The following CSMD1 variants were observed in gnomAD, a reference collection of about 807,000 sequenced individuals.
The protein encoded by CSMD1 is CUB and sushi domain-containing protein 1.
CSMD1 carries 213 observed loss-of-function variants against 417.5 expected under a neutral mutation model. The ratio of observed to expected loss-of-function variants is 0.51; its 90% CI spans 0.46 to 0.57. The LOEUF (loss-of-function observed/expected upper bound fraction) is 0.57, where lower values mean the gene tolerates loss of function less well. CSMD1 is among the 20% of genes least tolerant of loss of function. The pLI, the probability that CSMD1 is intolerant of heterozygous loss-of-function variation, is 0.00. For missense variants in CSMD1, 6,923 were observed against 4,529.7 expected, an observed-to-expected ratio of 1.53 and a Z score of -15.17; for synonymous variants, 2,862 against 1,736.8, an observed-to-expected ratio of 1.65 and a Z score of -16.11.
chr8:4,110,910 G>C (rs1021805837), intron 3 of CSMD1, among the ~76,000 whole-genome samples: 1 of 152,084 alleles, frequency 6.6e-6, no homozygotes, highest in African/African-American at 2.4e-5. Context: ...CATAAAGTGA[G>C]ACAATGACAT....
chr8:4,528,096 T>G (rs1796612564), intron 2 of CSMD1, among the ~76,000 whole-genome samples: 1 of 152,212 alleles, frequency 6.6e-6, no homozygotes, highest in South Asian at 2.1e-4. Flanking sequence ...CAGATGGGTT[T>G]GCATTTTGTG....
At chr8:4,080,298 T>A (rs902688232) in intron 3 of CSMD1, among the ~76,000 whole-genome samples, 19 of 152,158 alleles carry the variant, frequency 1.2e-4, no homozygotes, top group Admixed American at 3.3e-4. Context: ...GGTTACAGTG[T>A]ACCTAAGAGT....
At chr8:3,735,722 G>C (rs908245068) in intron 6 of CSMD1, among the ~76,000 whole-genome samples, 1 of 152,172 alleles carries the variant, frequency 6.6e-6, no homozygotes, top group African/African-American at 2.4e-5. Flanking sequence ...ACAGAAACTC[G>C]TTTGGAGCAA....
chr8:4,439,608 G>C (rs1477956740), intron 2 of CSMD1, among the ~76,000 whole-genome samples: 2 of 152,060 alleles, frequency 1.3e-5, no homozygotes, highest in African/African-American at 4.8e-5. Flanking sequence ...TTACATATTT[G>C]TTTTAAGGTA....
chr8:4,713,043 T>C (rs1186840929), intron 1 of CSMD1, among the ~76,000 whole-genome samples: 1 of 152,206 alleles, frequency 6.6e-6, no homozygotes, highest in African/African-American at 2.4e-5. Context: ...TTAGGGATAC[T>C]GGGAAAGGTC....
rs146986463 is a variant in CSMD1, at chr8:4,119,012, G to A, written c.416-86913C>T. Among the ~76,000 whole-genome samples, 558 of 152,196 alleles carry A rather than the reference G, an allele frequency of 3.7e-3. 3 individuals are homozygous for A. Among genetic ancestry groups the A allele is most frequent in the African/African-American group, 0.013 (531 of 41,506 alleles). On this transcript the variant is annotated intron_variant, in intron 3 of 69. Transcript: ENST00000635120. ...AAGAACGGCAAACCAAACACCACAT[G>A]TTCTCACTCATAAGTGGGAGTTGAA...
chr8:4,945,761 A>T (rs1202671954), intron 1 of CSMD1, among the ~76,000 whole-genome samples: 5 of 152,118 alleles, frequency 3.3e-5, no homozygotes, highest in Non-Finnish European at 7.4e-5. Flanking sequence ...CACCTGGAGA[A>T]GATGATGAAT....
intron 11 of CSMD1, among the ~76,000 whole-genome samples, chr8:3,473,518 G>C (rs922973202): frequency 2.0e-5 from 3 of 152,170 alleles, no homozygotes; most frequent in East Asian, 1.9e-4. Flanking sequence ...ATTTTGGCTT[G>C]CTAACACTGA....
At chr8:3,458,602 G>T (rs192316854) in intron 12 of CSMD1, among the ~76,000 whole-genome samples, 1 of 152,096 alleles carries the variant, frequency 6.6e-6, no homozygotes, top group Non-Finnish European at 1.5e-5. Context: ...CATCTTATTC[G>T]TCTTGCGTTA....
At chr8:4,647,839 C>G (rs1803636252) in intron 1 of CSMD1, among the ~76,000 whole-genome samples, 1 of 152,076 alleles carries the variant, frequency 6.6e-6, no homozygotes, top group African/African-American at 2.4e-5. Flanking sequence ...GGGTTGGTTC[C>G]AAGTCTTTGC....
At chr8:3,091,698 G>T (rs557088965) in intron 47 of CSMD1, 36 bp from the exon 48 acceptor site, 1 of 1,586,480 alleles carries the variant, frequency 6.3e-7, no homozygotes. Flanking sequence ...ATTCAGAGAT[G>T]AGTGAGCACC....
chr8:3,822,275 C>T (rs1801777739), intron 5 of CSMD1, among the ~76,000 whole-genome samples: 1 of 152,134 alleles, frequency 6.6e-6, no homozygotes, highest in South Asian at 2.1e-4. Flanking sequence ...GAGACATTTA[C>T]CCTTGTAAGA....
At position 3,551,578 on chromosome 8, in the gene CSMD1, GTATA is replaced by G. The variant is rs55961739; in HGVS notation, c.1344+23363_1344+23366del. On this transcript the variant is annotated intron_variant, in intron 10 of 69. Coordinates refer to ENST00000635120, the MANE Select transcript of CSMD1 (RefSeq NM_033225.6). ...TTCAGAATTGTCTTCTAATAAATAT[GTATA>G]TATATATATATATATTTTTTTTTTT... Among the ~76,000 whole-genome samples, 361 of 117,656 alleles carry G rather than the reference GTATA, an allele frequency of 3.1e-3. 36 individuals are homozygous for G. The highest frequency in any genetic ancestry group is 0.011 in the East Asian group (48 of 4,294). The allele number at this position is 117,656 out of a possible 152,430, so 77.2% of individuals were successfully genotyped here.
At chr8:3,676,273 T>C (rs1293518267) in intron 7 of CSMD1, among the ~76,000 whole-genome samples, 1 of 152,144 alleles carries the variant, frequency 6.6e-6, no homozygotes, top group African/African-American at 2.4e-5. Context: ...GCCCTAAGTA[T>C]TTACCAACTC....
chr8:3,665,851 T>C (rs1029202270), intron 7 of CSMD1, among the ~76,000 whole-genome samples: 1 of 152,156 alleles, frequency 6.6e-6, no homozygotes, highest in African/African-American at 2.4e-5. Context: ...CCTGCATTTA[T>C]GACCTCAGTG....
intron 8 of CSMD1, among the ~76,000 whole-genome samples, chr8:3,606,711 CA>C (rs1295745775): frequency 5.0e-4 from 47 of 93,950 alleles, no homozygotes; most frequent in African/African-American, 1.7e-3. Context: ...TACTTCGTTA[CA>C]ATTTTTTTTT....
chr8:4,130,290 T>C lies in CSMD1; in HGVS notation c.416-98191A>G, dbSNP rs77730041. The stretch of plus-strand genomic sequence containing the variant: ...ATTCATGCAAACGATTAGTTTAACA[T>C]CTTTATTCTGGTATAATCCCCAAAT... On this transcript the variant is annotated intron_variant, in intron 3 of 69. Coordinates refer to ENST00000635120, the MANE Select transcript of CSMD1 (RefSeq NM_033225.6). Among the ~76,000 whole-genome samples the C allele has an allele frequency of 2.5e-3, 379 of 152,314 alleles. 1 individual carries two copies. Among genetic ancestry groups the C allele is most frequent in the African/African-American group, 8.8e-3 (367 of 41,564 alleles).
intron 2 of CSMD1, among the ~76,000 whole-genome samples, chr8:4,526,359 A>G (rs1321517686): frequency 6.6e-6 from 1 of 152,258 alleles, no homozygotes. Flanking sequence ...CACGCTGACC[A>G]TGAAGATCGT....
At chr8:3,949,589 A>C (rs1167645385) in intron 5 of CSMD1, among the ~76,000 whole-genome samples, 2 of 152,146 alleles carry the variant, frequency 1.3e-5, no homozygotes, top group Non-Finnish European at 2.9e-5. Flanking sequence ...GGGGAAACTA[A>C]TTGAAGAACA....
Sources: gnomAD v4.1 joint callset for allele counts (sites outside exome capture counted in the v4.1 genomes callset) on GRCh38, gnomAD v4.1.1 for gene constraint, MANE v1.5 for transcripts, NCBI Gene and HGNC (gene_info 2026-07-23, HGNC 2026-07-21) for gene names.